Variants in LIN54 observed in about 807,000 individuals in gnomAD.
LIN54 encodes lin-54 DREAM MuvB core complex component, also known as protein lin-54 homolog.
Under a neutral mutation model 78.7 loss-of-function variants are expected in LIN54, and 9 were observed. That is an observed-to-expected ratio of 0.11 (90% CI 0.07 to 0.20). The LOEUF is 0.20. Ranked by LOEUF, LIN54 falls within the 10% of genes least tolerant of loss-of-function variation. LIN54 has a pLI of 1.00. For synonymous variants in LIN54, 269 were observed against 318.4 expected (o/e 0.84, Z 1.65); for missense variants, 573 against 889.9 (o/e 0.64, Z 4.53).
chr4:82,935,867 A>G (rs958709423), intron 11 of LIN54, 114 bp downstream of exon 11: 3 of 1,037,282 alleles, frequency 2.9e-6, no homozygotes, highest in Admixed American at 1.8e-5. Context: ...CCAACTGTGC[A>G]TATTTTCAAA....
At chr4:82,957,809 CA>C (rs1468215128) in intron 4 of LIN54, among the ~76,000 whole-genome samples, 2 of 152,132 alleles carry the variant, frequency 1.3e-5, no homozygotes, top group Non-Finnish European at 2.9e-5. Context: ...TCCCTTCCCC[CA>C]CCCCTATAAA....
Position 82,925,555 on chromosome 4 carries a change from A to G in LIN54, c.*2547T>C, listed in dbSNP as rs565068110. Reference sequence around the variant, plus strand: ...AAAGAGAAGACATATTCTCATTTCAAAGCAATTTATGTTAGTAATAACTGA... The same window carrying G: ...AAAGAGAAGACATATTCTCATTTCAGAGCAATTTATGTTAGTAATAACTGA... On this transcript the variant is annotated 3_prime_UTR_variant, in exon 13 of 13. Transcript: ENST00000340417. 1 of 152,762 alleles carries G rather than the reference A, an allele frequency of 6.5e-6. No homozygotes were observed. Among genetic ancestry groups the G allele is most frequent in the East Asian group, 1.9e-4 (1 of 5,192 alleles). 9.5% of individuals were successfully genotyped at this position (152,762 alleles called of 1,614,324 possible).
intron 2 of LIN54, among the ~76,000 whole-genome samples, chr4:82,981,049 A>T (rs979093439): frequency 6.6e-6 from 1 of 152,198 alleles, no homozygotes; most frequent in Non-Finnish European, 1.5e-5. Flanking sequence ...TGCACTATGA[A>T]TTCTAAAGTA....
chr4:82,936,805 A>G (rs148081675), intron 9 of LIN54, among the ~76,000 whole-genome samples: 3 of 152,346 alleles, frequency 2.0e-5, no homozygotes, highest in East Asian at 1.9e-4. Context: ...CTATGCCCCA[A>G]TAAGACCAAT....
intron 1 of LIN54, among the ~76,000 whole-genome samples, chr4:82,988,107 T>C (rs375683697): frequency 1.3e-5 from 2 of 152,252 alleles, no homozygotes; most frequent in African/African-American, 4.8e-5. Context: ...ATTGTGATTT[T>C]CATTTACATT....
intron 1 of LIN54, among the ~76,000 whole-genome samples, chr4:82,993,029 GAAA>G: frequency 9.9e-6 from 1 of 101,120 alleles, no homozygotes; most frequent in African/African-American, 3.7e-5. Flanking sequence ...CTCTGTCTCA[GAAA>G]AAAAAAAAAA....
At chr4:82,940,462 A>C (rs944559506) in intron 5 of LIN54, among the ~76,000 whole-genome samples, 24 of 151,972 alleles carry the variant, frequency 1.6e-4, no homozygotes, top group African/African-American at 5.8e-4. Flanking sequence ...GTGCAATCTC[A>C]GCTCACTGCA....
intron 11 of LIN54, among the ~76,000 whole-genome samples, chr4:82,932,941 GTTTTC>G (rs1217920134): frequency 1.3e-5 from 2 of 151,990 alleles, no homozygotes; most frequent in Non-Finnish European, 2.9e-5. Flanking sequence ...TGTTAGCTGT[GTTTTC>G]TTCAATGAAC....
chr4:82,984,924 G>A, intron 1 of LIN54, 48 bp from the exon 2 acceptor site: 2 of 1,345,816 alleles, frequency 1.5e-6, no homozygotes, highest in South Asian at 1.5e-5. Flanking sequence ...TTCAAAAGAT[G>A]TAAGAAAAAA....
intron 2 of LIN54, among the ~76,000 whole-genome samples, chr4:82,979,871 G>A (rs1490925074): frequency 6.8e-6 from 1 of 146,936 alleles, no homozygotes; most frequent in Non-Finnish European, 1.5e-5. Context: ...CGGGAGCAGA[G>A]GTTGCAGGGA....
intron 1 of LIN54, among the ~76,000 whole-genome samples, chr4:83,002,618 C>T (rs1202642211): frequency 6.6e-6 from 1 of 152,166 alleles, no homozygotes; most frequent in Non-Finnish European, 1.5e-5. Flanking sequence ...GACAGCAAGA[C>T]CTACCGCTGC....
intron 3 of LIN54, among the ~76,000 whole-genome samples, chr4:82,975,056 A>G (rs1467554893): frequency 6.6e-6 from 1 of 152,074 alleles, no homozygotes; most frequent in Admixed American, 6.6e-5. Context: ...TGAACTATAC[A>G]CTTAAAACAG....
rs1721397083 is a variant in LIN54 at position 82,925,562 on chromosome 4, T to G, written c.*2540A>C. The G allele has an allele frequency of 6.6e-6, 1 of 152,620 alleles. No individual in the cohort carries two copies. Among genetic ancestry groups the G allele is most frequent in the South Asian group, 2.1e-4 (1 of 4,834 alleles). The allele number at this position is 152,620 out of a possible 1,614,324, so 9.5% of individuals were successfully genotyped here. On this transcript the variant is annotated 3_prime_UTR_variant, in exon 13 of 13. Coordinates refer to ENST00000340417, the MANE Select transcript of LIN54 (RefSeq NM_194282.4). ...AGACATATTCTCATTTCAAAGCAAT[T>G]TATGTTAGTAATAACTGAGCAAAAT...
chr4:82,986,702 C>CAAAA (rs70943178), intron 1 of LIN54, among the ~76,000 whole-genome samples: 9 of 68,728 alleles, frequency 1.3e-4, no homozygotes, highest in South Asian at 5.7e-4. Flanking sequence ...GACCCCATCT[C>CAAAA]AAAAAAAAAA....
intron 4 of LIN54, 127 bp downstream of exon 4, chr4:82,970,200 C>T: frequency 1.2e-6 from 1 of 811,150 alleles, no homozygotes; most frequent in Non-Finnish European, 1.9e-6. Context: ...CTAAATTAAT[C>T]CAGTATTCAT....
At chr4:82,956,608 G>A (rs994417652) in intron 4 of LIN54, among the ~76,000 whole-genome samples, 5 of 151,940 alleles carry the variant, frequency 3.3e-5, no homozygotes. Flanking sequence ...GAATAAGACC[G>A]TTTCATTTAA....
rs1721643203 is a variant in LIN54, at chr4:82,928,199, G to A, written c.2153C>T (p.Ala718Val). The change falls in exon 13 of 13, where the codon GCG becomes GTG. Residue 718 changes from alanine to valine, a missense_variant. Ala to Val is a moderately conservative substitution (Grantham distance 64). Transcript: ENST00000340417. ...GAATTCCTCAAGTATCATCCGTTCC[G>A]CTGCTGCCTTTGATTTTCCCTTCTT... ...ADKKGKSKAA[A>V]ERMILEEFGR... The A allele has an allele frequency of 2.5e-6, 4 of 1,614,202 alleles. No individual in the cohort carries two copies. The highest frequency in any genetic ancestry group is 2.2e-5 in the East Asian group (1 of 44,892).
chr4:82,999,650 C>T (rs945000171), intron 1 of LIN54, among the ~76,000 whole-genome samples: 4 of 151,678 alleles, frequency 2.6e-5, no homozygotes, highest in African/African-American at 4.8e-5. Flanking sequence ...CGGTGGTACA[C>T]GCCTGTGGTC....
chr4:82,998,501 G>GCACTGCA (rs3081910), intron 1 of LIN54, among the ~76,000 whole-genome samples: 1 of 151,598 alleles, frequency 6.6e-6, no homozygotes, highest in African/African-American at 2.4e-5. Context: ...CGAGATAGCA[G>GCACTGCA]CTCCAACTCG....
Sources: allele counts gnomAD v4.1 joint callset (sites outside exome capture counted in the v4.1 genomes callset), GRCh38; gene constraint gnomAD v4.1.1; transcripts MANE v1.5; gene names NCBI Gene and HGNC (gene_info 2026-07-23, HGNC 2026-07-21).